TBCD: variants seen among roughly 807,000 people sequenced by gnomAD.
TBCD encodes the protein tubulin-specific chaperone D.
TBCD carries 105 observed loss-of-function variants against 169.3 expected under a neutral mutation model. The ratio of observed to expected loss-of-function variants is 0.62; its 90% CI spans 0.53 to 0.73. The LOEUF (loss-of-function observed/expected upper bound fraction) is 0.73, where lower values mean the gene tolerates loss of function less well. Ranked by LOEUF, TBCD falls within the 30% of genes least tolerant of loss-of-function variation. The pLI, the probability that TBCD is intolerant of heterozygous loss-of-function variation, is 0.00. For missense variants in TBCD, 1,444 were observed against 1,600.1 expected (o/e 0.90, Z 1.66); for synonymous variants, 700 against 643.9 (o/e 1.09, Z -1.32).
At chr17:82,809,912 C>T (rs1457231739) in intron 12 of TBCD, 130 bp downstream of exon 12, 1 of 770,032 alleles carries the variant, frequency 1.3e-6, no homozygotes, top group African/African-American at 1.8e-5. Flanking sequence ...TTTTTTCCCC[C>T]TTTTGAAGTT....
intron 7 of TBCD, among the ~76,000 whole-genome samples, chr17:82,786,967 C>T (rs1034553893): frequency 3.9e-5 from 6 of 152,122 alleles, no homozygotes; most frequent in Middle Eastern, 6.8e-3. Flanking sequence ...CGGCTCGCTG[C>T]CCCATTCCCC....
chr17:82,806,836 C>G lies in TBCD; in HGVS notation c.1088-772C>G, dbSNP rs2051001392. ...GGCCCTTCCCTTGACCTTTGCTTCT[C>G]AGAGCCCTCCCTGGTTGCGTGGTAG... On this transcript the variant is annotated intron_variant, in intron 10 of 38. Transcript: ENST00000355528. The surrounding 1 kb of genome is among the most constrained non-coding windows in gnomAD (Gnocchi z 5.1). Among the ~76,000 whole-genome samples, 1 of 152,230 alleles carries G rather than the reference C, an allele frequency of 6.6e-6. No homozygotes were observed.
At chr17:82,803,585 GGTACGGTGTAGAAA>G (rs1414459812) in intron 9 of TBCD, among the ~76,000 whole-genome samples, 2 of 152,204 alleles carry the variant, frequency 1.3e-5, no homozygotes, top group African/African-American at 2.4e-5. Flanking sequence ...CTGTTTCCTT[GGTACGGTGTAGAAA>G]GTACCCCTGC....
rs113469210 is a variant in TBCD, at chr17:82,770,889, C to T, written c.583-1563C>T. Among the ~76,000 whole-genome samples, 134 of 152,012 alleles carry T rather than the reference C, an allele frequency of 8.8e-4. 2 individuals are homozygous for T. The Middle Eastern group carries it at 0.01, about 12-fold the overall frequency. On this transcript the variant is annotated intron_variant, in intron 5 of 38. Transcript: ENST00000355528. ...ATTAGCCGGGAATGGTGGCTAGTGC[C>T]TGTGATCCTTTCATATTTATTCAAC...
chr17:82,819,312 C>T (rs1209875634), intron 13 of TBCD, among the ~76,000 whole-genome samples: 1 of 152,190 alleles, frequency 6.6e-6, no homozygotes, highest in Non-Finnish European at 1.5e-5. Flanking sequence ...ACTCTGCCTG[C>T]TGGACTCAGG....
intron 13 of TBCD, chr17:82,829,843 A>G: frequency 2.4e-6 from 1 of 413,892 alleles, no homozygotes; most frequent in Non-Finnish European, 4.3e-6. Context: ...TGAGATATTT[A>G]TAAGGAAACA....
intron 8 of TBCD, among the ~76,000 whole-genome samples, chr17:82,799,441 CAAAAAAAAAAAAAA>C (rs61017445): frequency 1.4e-5 from 1 of 72,620 alleles, no homozygotes; most frequent in Non-Finnish European, 2.5e-5. Context: ...GACTCTGTCT[CAAAAAAAAAAAAAA>C]AAAAAAAAGA....
chr17:82,790,825 C>T (rs976406570), intron 7 of TBCD, among the ~76,000 whole-genome samples: 5 of 152,182 alleles, frequency 3.3e-5, no homozygotes, highest in Non-Finnish European at 4.4e-5. Flanking sequence ...TCCTGCTGGG[C>T]TCAGAGCTGT....
At chr17:82,901,376 G>T (rs2059880871) in intron 18 of TBCD, among the ~76,000 whole-genome samples, 1 of 152,218 alleles carries the variant, frequency 6.6e-6, no homozygotes, top group Non-Finnish European at 1.5e-5. Flanking sequence ...CTTTGTGAGG[G>T]TGCGAGTCCA....
At chr17:82,881,863 C>T (rs2088316850) in intron 14 of TBCD, among the ~76,000 whole-genome samples, 1 of 152,188 alleles carries the variant, frequency 6.6e-6, no homozygotes, top group African/African-American at 2.4e-5. Flanking sequence ...TTGTGGTTCT[C>T]AGTGACCACA....
At chr17:82,887,160 T>TGG in intron 15 of TBCD, among the ~76,000 whole-genome samples, 1 of 109,062 alleles carries the variant, frequency 9.2e-6, no homozygotes, top group African/African-American at 4.3e-5. Context: ...TGTGTGTGTG[T>TGG]GTGTGTGTGC....
chr17:82,758,366 A>G (rs1458549988), intron 2 of TBCD, among the ~76,000 whole-genome samples: 1 of 122,724 alleles, frequency 8.1e-6, no homozygotes, highest in East Asian at 2.8e-4. Flanking sequence ...CCTGGGCAAC[A>G]AGAACGAAAA....
chr17:82,815,512 G>A (rs538959489), intron 13 of TBCD, among the ~76,000 whole-genome samples: 20 of 152,352 alleles, frequency 1.3e-4, no homozygotes, highest in African/African-American at 4.8e-4. Context: ...GTGGGGTGGG[G>A]ACAGAGGGCA....
At chr17:82,936,351 G>A (rs2147463167) in intron 34 of TBCD, among the ~76,000 whole-genome samples, 1 of 152,278 alleles carries the variant, frequency 6.6e-6, no homozygotes, top group East Asian at 1.9e-4. Context: ...ACGTCTGCTT[G>A]TAGCGCTTTC....
intron 14 of TBCD, among the ~76,000 whole-genome samples, chr17:82,875,448 T>TGCC (rs1567937296): frequency 2.6e-5 from 4 of 152,256 alleles, no homozygotes; most frequent in Non-Finnish European, 5.9e-5. Flanking sequence ...CTGCTGCTGC[T>TGCC]GCCATTGTGT....
chr17:82,850,068 G>C (rs1437831933), intron 13 of TBCD, among the ~76,000 whole-genome samples: 1 of 59,860 alleles, frequency 1.7e-5, no homozygotes, highest in South Asian at 5.4e-4. Flanking sequence ...CTGTGCTGCT[G>C]TTGGCTGTGC....
Position 82,809,928 on chromosome 17 carries a change from T to G in TBCD, c.1223+146T>G, listed in dbSNP as rs930889954. On this transcript the variant is annotated intron_variant, in intron 12 of 38. Transcript: ENST00000355528. ...TTTTTCCCCCTTTTGAAGTTAAACT[T>G]GAGAACTCTTGTTATTTCTGGTATG... 2.7e-5 allele frequency: 18 copies of G among 670,200 alleles called. No individual in the cohort carries two copies. The African/African-American group carries it at 3.3e-4, about 12-fold the overall frequency. The allele number at this position is 670,200 out of a possible 1,614,324, so 41.5% of individuals were successfully genotyped here. A position where few individuals can be genotyped will look rare whatever the true frequency, so the allele number is the denominator to read the frequency against.
chr17:82,932,273 G>A (rs544104809), intron 33 of TBCD: 7 of 363,236 alleles, frequency 1.9e-5, no homozygotes, highest in East Asian at 7.0e-5. Flanking sequence ...GTATAGCGTC[G>A]GCACAGGCAC....
At chr17:82,933,694 C>T (rs904738701) in intron 34 of TBCD, among the ~76,000 whole-genome samples, 5 of 152,086 alleles carry the variant, frequency 3.3e-5, no homozygotes, top group African/African-American at 4.8e-5. Flanking sequence ...TTCAGCTCAC[C>T]GCAACCCCGT....
Sources: gnomAD v4.1 joint callset for allele counts (sites outside exome capture counted in the v4.1 genomes callset) on GRCh38, gnomAD v4.1.1 for gene constraint, Gnocchi (gnomAD v3.1) non-coding constraint, MANE v1.5 for transcripts, NCBI Gene and HGNC (gene_info 2026-07-23, HGNC 2026-07-21) for gene names.